The following MYO3A variants were observed in gnomAD, a reference collection of about 807,000 sequenced individuals.
The protein encoded by MYO3A is myosin IIIA, also known as myosin-IIIa.
A neutral mutation model predicts 192.7 loss-of-function variants in MYO3A; 180 were observed. The observed-to-expected ratio is 0.93, with a 90% confidence interval of 0.83 to 1.06. The LOEUF is 1.06. Ranked by LOEUF, MYO3A falls within the 50% of genes least tolerant of loss-of-function variation. MYO3A has a pLI of 0.00. For synonymous variants in MYO3A, 628 were observed against 645.3 expected (o/e 0.97, Z 0.41); for missense variants, 1,896 against 1,905.0 (o/e 1.00, Z 0.09).
At chr10:26,199,997 G>C (rs1363308782) in intron 32 of MYO3A, among the ~76,000 whole-genome samples, 1 of 152,180 alleles carries the variant, frequency 6.6e-6, no homozygotes, top group Non-Finnish European at 1.5e-5. Context: ...AGTGGCCACT[G>C]TTCCTATGCA....
At chr10:26,144,455 T>C (rs948559745) in intron 21 of MYO3A, among the ~76,000 whole-genome samples, 1 of 151,792 alleles carries the variant, frequency 6.6e-6, no homozygotes, top group Non-Finnish European at 1.5e-5. Context: ...TGGACAATAC[T>C]AGATGGAAAA....
chr10:26,111,698 C>G (rs1396926987), intron 17 of MYO3A, among the ~76,000 whole-genome samples: 1 of 152,226 alleles, frequency 6.6e-6, no homozygotes, highest in Non-Finnish European at 1.5e-5. Flanking sequence ...AAGCAGCAGT[C>G]ATTCTTTTCC....
intron 1 of MYO3A, among the ~76,000 whole-genome samples, chr10:25,934,535 GGGGA>G (rs1835916378): frequency 6.6e-6 from 1 of 152,056 alleles, no homozygotes; most frequent in Non-Finnish European, 1.5e-5. Context: ...GGGTGAGAGA[GGGGA>G]CTCGAGGGGA....
rs981661709 is a variant in MYO3A at position 26,143,504 on chromosome 10, G to A, written c.2319G>A (p.Trp773Ter). The A allele has an allele frequency of 6.2e-7, 1 of 1,613,218 alleles. No homozygotes were observed. Among genetic ancestry groups the A allele is most frequent in the Non-Finnish European group, 8.5e-7 (1 of 1,179,436 alleles). The change falls in exon 21 of 35, where the codon TGG becomes TGA. Residue 773 changes from tryptophan (W) to a stop codon, truncating the protein, a stop_gained. Transcript: ENST00000642920. LOFTEE classifies it high-confidence loss of function. ...GAGTTATTGAATATGAGGATAACTG[G>A]CCCCTCTTAGATATGTTTCTGCAAA... ...DARVIEYEDN[W>*]PLLDMFLQKP...
intron 6 of MYO3A, among the ~76,000 whole-genome samples, chr10:26,000,318 G>A (rs1360921249): frequency 1.3e-5 from 2 of 152,082 alleles, no homozygotes; most frequent in Non-Finnish European, 2.9e-5. Flanking sequence ...AAAATACTTC[G>A]AAATTTATTG....
chr10:26,021,446 A>G, intron 7 of MYO3A, 57 bp from the exon 8 acceptor site: 1 of 1,575,284 alleles, frequency 6.3e-7, no homozygotes, highest in Non-Finnish European at 8.7e-7. Flanking sequence ...TAAGTATTTT[A>G]TTACATGCTT....
intron 7 of MYO3A, 121 bp from the exon 8 acceptor site, chr10:26,021,382 G>A (rs960577580): frequency 3.7e-5 from 44 of 1,199,436 alleles, no homozygotes; most frequent in East Asian, 2.1e-4. Context: ...TACTGCCTTC[G>A]TCTTTACTTA....
At chr10:26,180,737 A>C (rs1369509901) in intron 31 of MYO3A, among the ~76,000 whole-genome samples, 1 of 144,344 alleles carries the variant, frequency 6.9e-6, no homozygotes, top group Non-Finnish European at 1.5e-5. Flanking sequence ...CAATACCTTG[A>C]AATAAAGCTA....
intron 4 of MYO3A, among the ~76,000 whole-genome samples, chr10:25,958,215 T>G (rs558618164): frequency 3.0e-4 from 46 of 152,328 alleles, no homozygotes; most frequent in South Asian, 1.0e-3. Flanking sequence ...AAGGTTTTTA[T>G]AGTTTTGGGT....
intron 4 of MYO3A, among the ~76,000 whole-genome samples, chr10:25,992,991 A>T (rs901950779): frequency 2.0e-5 from 3 of 152,286 alleles, no homozygotes; most frequent in East Asian, 3.9e-4. Flanking sequence ...CATCTCTGCC[A>T]GGCTTTGGTA....
At chr10:26,131,163 A>C (rs1453098338) in intron 20 of MYO3A, among the ~76,000 whole-genome samples, 2 of 152,222 alleles carry the variant, frequency 1.3e-5, no homozygotes, top group African/African-American at 4.8e-5. Context: ...TTTTATTGAC[A>C]GTTGTACAAC....
intron 24 of MYO3A, 85 bp downstream of exon 24, chr10:26,154,014 A>G (rs1236061554): frequency 9.8e-7 from 1 of 1,018,484 alleles, no homozygotes; most frequent in East Asian, 2.5e-5. Context: ...CAAAGTCAAC[A>G]GTTTTTTTCT....
chr10:26,011,438 A>T (rs1841651354), intron 6 of MYO3A, among the ~76,000 whole-genome samples: 3 of 149,138 alleles, frequency 2.0e-5, no homozygotes, highest in Admixed American at 2.0e-4. Flanking sequence ...ATGTCTAAAA[A>T]AGTTTAAAAA....
At chr10:25,939,596 A>G (rs1195553830) in intron 2 of MYO3A, among the ~76,000 whole-genome samples, 3 of 151,772 alleles carry the variant, frequency 2.0e-5, no homozygotes, top group African/African-American at 7.3e-5. Flanking sequence ...TAAGGTATGC[A>G]ATTGTATAGT....
chr10:26,030,132 A>G (rs1444005183), intron 10 of MYO3A, among the ~76,000 whole-genome samples: 1 of 151,854 alleles, frequency 6.6e-6, no homozygotes, highest in Non-Finnish European at 1.5e-5. Context: ...TCTTCCCACC[A>G]CACCTCGGTC....
chr10:26,087,623 A>G (rs1261104228), intron 14 of MYO3A, among the ~76,000 whole-genome samples: 2 of 152,216 alleles, frequency 1.3e-5, no homozygotes, highest in Non-Finnish European at 2.9e-5. Flanking sequence ...AAAATGGAAC[A>G]TACTTCTTTG....
intron 6 of MYO3A, among the ~76,000 whole-genome samples, chr10:26,007,160 G>A (rs1175163693): frequency 8.8e-5 from 13 of 148,480 alleles, no homozygotes; most frequent in African/African-American, 3.4e-4. Flanking sequence ...ATGCAGAAAA[G>A]GCCTTTGACA....
intron 10 of MYO3A, among the ~76,000 whole-genome samples, chr10:26,060,133 C>T (rs1403902746): frequency 6.6e-6 from 1 of 152,030 alleles, no homozygotes. Flanking sequence ...GTGGCGCATG[C>T]CTGTAATCCC....
At chr10:26,058,019 A>G (rs7910497) in intron 10 of MYO3A, among the ~76,000 whole-genome samples, 71,885 of 151,988 alleles carry the variant, frequency 0.47, 17,849 homozygotes, top group Middle Eastern at 0.59. Flanking sequence ...TTACATTAAG[A>G]TTCACTATTG....
Sources: allele counts gnomAD v4.1 joint callset (sites outside exome capture counted in the v4.1 genomes callset), GRCh38; gene constraint gnomAD v4.1.1; transcripts MANE v1.5; gene names NCBI Gene and HGNC (gene_info 2026-07-23, HGNC 2026-07-21).